UPF1: variants seen among roughly 807,000 people sequenced by gnomAD.
The protein encoded by UPF1 is UPF1 RNA helicase and ATPase.
In UPF1, 9 loss-of-function variants were observed where a neutral mutation model predicts 129.2. The ratio of observed to expected loss-of-function variants is 0.07; its 90% CI spans 0.04 to 0.12. The LOEUF (loss-of-function observed/expected upper bound fraction) is 0.12. UPF1 is among the 10% of genes least tolerant of loss of function. The pLI is 1.00. For missense variants in UPF1, 788 were observed against 1,525.3 expected, an observed-to-expected ratio of 0.52 and a Z score of 8.05; for synonymous variants, 649 against 644.9, an observed-to-expected ratio of 1.01 and a Z score of -0.10.
chr19:18,856,193 G>GAGCTGCAGA lies in UPF1; in HGVS notation c.1726_1734dup (p.Lys576_Gln578dup). The GAGCTGCAGA allele has an allele frequency of 6.2e-7, 1 of 1,609,336 alleles. No individual in the cohort carries two copies. The highest frequency in any genetic ancestry group is 8.5e-7 in the Non-Finnish European group (1 of 1,176,280). On this transcript the variant is annotated inframe_insertion, in exon 13 of 24. Transcript: ENST00000262803. ...ACCTGCATGTGCTTCCAGCATGCCT[G>GAGCTGCAGA]AGCTGCAGAAGCTGCAGCAGCTGAA...
At chr19:18,855,264 C>A (rs760224627) in intron 11 of UPF1, 22 bp downstream of exon 11, 2 of 1,605,132 alleles carry the variant, frequency 1.2e-6, no homozygotes, top group East Asian at 2.2e-5. Context: ...ACGGCCCTTG[C>A]GGGCAAGACC....
chr19:18,856,945 C>T lies in UPF1; in HGVS notation c.1893C>T (p.Arg631=), dbSNP rs1568279745. The change falls in exon 14 of 24, where the codon CGC becomes CGT. Residue 631 remains arginine, a synonymous_variant. Transcript: ENST00000262803. ...GDPRLAKMQF[R]SILIDESTQA... ...CGAGGCTGGCCAAGATGCAGTTCCG[C>T]TCCATTTTAATCGACGAAAGCACCC... 2.5e-6 allele frequency: 4 copies of T among 1,612,612 alleles called. No individual in the cohort carries two copies. The highest frequency in any genetic ancestry group is 3.4e-6 in the Non-Finnish European group (4 of 1,180,022).
In UPF1 at chr19:18,851,408, A is replaced by G. The variant is rs879892262; in HGVS notation, c.810+540A>G. Among the ~76,000 whole-genome samples the G allele has an allele frequency of 1.3e-5, 2 of 152,224 alleles. No homozygotes were observed. The highest frequency in any genetic ancestry group is 2.4e-5 in the African/African-American group (1 of 41,454). The stretch of plus-strand genomic sequence containing the variant: ...GATTTTGTGATAAAGTAGTTCTAAT[A>G]ACTAGGCTAGAAGTTTTCATTTGCC... On this transcript the variant is annotated intron_variant, in intron 5 of 23. Coordinates refer to ENST00000262803, the MANE Select transcript of UPF1 (RefSeq NM_002911.4). The surrounding 1 kb of genome is among the most constrained non-coding windows in gnomAD (Gnocchi z 4.2).
intron 3 of UPF1, chr19:18,849,831 G>A (rs1037542855): frequency 1.9e-6 from 1 of 524,478 alleles, no homozygotes; most frequent in Non-Finnish European, 3.4e-6. Flanking sequence ...AAAAAAGGCA[G>A]GAACTATGTG....
In UPF1 at chr19:18,863,509, A is replaced by G. The variant is rs1026197971; in HGVS notation, c.2672A>G (p.Tyr891Cys). The change falls in exon 19 of 24, where the codon TAC becomes TGC. Residue 891 changes from tyrosine to cysteine, a missense_variant. Transcript: ENST00000262803. ...KQPLWNHLLNYYKEQKVLVEG... is the reference protein window; with the variant it reads ...KQPLWNHLLNCYKEQKVLVEG... Reference sequence around the variant, plus strand: ...CCGCTCTGGAACCACCTGCTGAACTACTATAAGGAGCAGAAGGTGCTGGTG... The same window carrying G: ...CCGCTCTGGAACCACCTGCTGAACTGCTATAAGGAGCAGAAGGTGCTGGTG... The G allele has an allele frequency of 1.4e-5, 22 of 1,613,746 alleles. No homozygotes were observed. Among genetic ancestry groups the G allele is most frequent in the Non-Finnish European group, 1.9e-5 (22 of 1,179,876 alleles).
chr19:18,853,119 T>C lies in UPF1; in HGVS notation c.1057+48T>C. ...TTGGTTAAGAGGTGATTTTAAGTTT[T>C]AAAATATTTGTGACCATAAGTAGCA... On this transcript the variant is annotated intron_variant, in intron 7 of 23. Transcript: ENST00000262803. The surrounding 1 kb of genome is among the most constrained non-coding windows in gnomAD (Gnocchi z 4.4). 1 of 1,611,106 alleles carries C rather than the reference T, an allele frequency of 6.2e-7. No homozygotes were observed. The highest frequency in any genetic ancestry group is 8.5e-7 in the Non-Finnish European group (1 of 1,177,870).
At chr19:18,866,236 A>C (rs1050996556) in intron 23 of UPF1, 70 bp downstream of exon 23, 119 of 1,479,642 alleles carry the variant, frequency 8.0e-5, no homozygotes, top group Admixed American at 1.3e-4. Context: ...GGCTCTCCCC[A>C]GGGAGCTGCA....
intron 18 of UPF1, 170 bp from the exon 19 acceptor site, chr19:18,863,268 G>T (rs1601129634): frequency 2.5e-6 from 2 of 803,796 alleles, no homozygotes; most frequent in Non-Finnish European, 3.9e-6. Flanking sequence ...TCAGTGGCTT[G>T]GCATTGGGCT....
At chr19:18,852,389 T>TG (rs1308050695) in intron 6 of UPF1, 93 bp downstream of exon 6, 2 of 1,546,264 alleles carry the variant, frequency 1.3e-6, no homozygotes, top group Non-Finnish European at 1.7e-6. Context: ...CTCCAGGCTG[T>TG]GGGAGCTGAT....
In UPF1 at chr19:18,851,073, TC is replaced by T; in HGVS notation, c.810+207del. The stretch of plus-strand genomic sequence containing the variant: ...AGGCAGCCTTACCTGACCGAGAAGA[TC>T]CTGGCCTTGGGGAAAGGAAAGCTCT... On this transcript the variant is annotated intron_variant, in intron 5 of 23. Coordinates refer to ENST00000262803, the MANE Select transcript of UPF1 (RefSeq NM_002911.4). The surrounding 1 kb of genome is among the most constrained non-coding windows in gnomAD (Gnocchi z 4.2). The T allele has an allele frequency of 1.9e-6, 1 of 519,298 alleles. No individual in the cohort carries two copies. The allele number at this position is 519,298 out of a possible 1,614,324, so 32.2% of individuals were successfully genotyped here. A position where few individuals can be genotyped will look rare whatever the true frequency, so the allele number is the denominator to read the frequency against.
rs1427143574 is a variant in UPF1, at chr19:18,849,894, G to C, written c.462-181G>C. 7.5e-6 allele frequency: 5 copies of C among 663,734 alleles called. No homozygotes were observed. In the East Asian group the frequency reaches 1.1e-4, roughly 15 times the overall value. 41.1% of individuals were successfully genotyped at this position (663,734 alleles called of 1,614,324 possible). On this transcript the variant is annotated intron_variant, in intron 3 of 23. Transcript: ENST00000262803. ...GTGGTTCAAGTTGGGATTGATTTTT[G>C]TGCTCAGTGGGGAGCTAGTTTGGGG...
At position 18,832,841 on chromosome 19, in the gene UPF1, C is replaced by G. The variant is rs770210529; in HGVS notation, c.231+401C>G. ...GCCTTGTGTCCCACAATCAGTCTGGCCTGGAGTAACCTGCCCCCTGACTTA... is the reference window on the plus strand; with the variant it reads ...GCCTTGTGTCCCACAATCAGTCTGGGCTGGAGTAACCTGCCCCCTGACTTA... On this transcript the variant is annotated intron_variant, in intron 1 of 23. Coordinates refer to ENST00000262803, the MANE Select transcript of UPF1 (RefSeq NM_002911.4). The surrounding 1 kb of genome is among the most constrained non-coding windows in gnomAD (Gnocchi z 5.6). Among the ~76,000 whole-genome samples the G allele has an allele frequency of 2.0e-5, 3 of 152,184 alleles. No homozygotes were observed. Among genetic ancestry groups the G allele is most frequent in the Non-Finnish European group, 2.9e-5 (2 of 68,016 alleles).
In UPF1 at chr19:18,832,483, G is replaced by T. The variant is rs2055438411; in HGVS notation, c.231+43G>T. 3 of 996,826 alleles carry T rather than the reference G, an allele frequency of 3.0e-6. No individual in the cohort carries two copies. The African/African-American group carries it at 5.2e-5, about 17-fold the overall frequency. 61.7% of individuals were successfully genotyped at this position (996,826 alleles called of 1,614,324 possible). A position where few individuals can be genotyped will look rare whatever the true frequency, so the allele number is the denominator to read the frequency against. On this transcript the variant is annotated intron_variant, in intron 1 of 23. Transcript: ENST00000262803. The surrounding 1 kb of genome is among the most constrained non-coding windows in gnomAD (Gnocchi z 5.6). ...GTGCCGGAAGCCCGGGCCCGGCCTC[G>T]GCGCCTGAGACCTGCCCCGAACTCG...
At chr19:18,860,184 A>G in intron 15 of UPF1, 137 bp from the exon 16 acceptor site, 1 of 902,118 alleles carries the variant, frequency 1.1e-6, no homozygotes, top group Non-Finnish European at 1.7e-6. Context: ...AGGTGACCTC[A>G]CCAGGGCCTC....
In UPF1 at chr19:18,851,399, A is replaced by G. The variant is rs771719748; in HGVS notation, c.810+531A>G. ...GCTGTTTAGGATTTTGTGATAAAGT[A>G]GTTCTAATAACTAGGCTAGAAGTTT... On this transcript the variant is annotated intron_variant, in intron 5 of 23. Coordinates refer to ENST00000262803, the MANE Select transcript of UPF1 (RefSeq NM_002911.4). This position sits in a 1 kb window ranked among gnomAD's most constrained non-coding sequence, Gnocchi z 4.2. 1.3e-5 allele frequency among the ~76,000 whole-genome samples: 2 copies of G among 152,236 alleles called. No individual in the cohort carries two copies. The highest frequency in any genetic ancestry group is 2.4e-5 in the African/African-American group (1 of 41,450).
chr19:18,855,085 G>T (rs373561111), intron 10 of UPF1, 39 bp from the exon 11 acceptor site: 6 of 1,613,252 alleles, frequency 3.7e-6, no homozygotes, highest in Non-Finnish European at 4.2e-6. Context: ...GGGCCGGGAC[G>T]CAAGCGGAGG....
chr19:18,842,018 G>C (rs2055547326), intron 1 of UPF1, among the ~76,000 whole-genome samples: 1 of 152,140 alleles, frequency 6.6e-6, no homozygotes. Context: ...TCTCTTTTAA[G>C]TTCAGGAGTT....
At chr19:18,855,387 A>G (rs1447605932) in intron 11 of UPF1, 145 bp downstream of exon 11, 10 of 830,078 alleles carry the variant, frequency 1.2e-5, no homozygotes, top group Admixed American at 2.8e-5. Context: ...ACCGCTCTCT[A>G]TGTGACATTA....
chr19:18,861,602 G>A lies in UPF1; in HGVS notation c.2458-408G>A, dbSNP rs1391585265. ...AGTCCCAGCACTTTGGGAGGCTGAG[G>A]CAGGGAAGTCGCTTGAGGCTAGGAG... On this transcript the variant is annotated intron_variant, in intron 17 of 23. Transcript: ENST00000262803. 3.3e-5 allele frequency among the ~76,000 whole-genome samples: 5 copies of A among 152,216 alleles called. No homozygotes were observed. The East Asian group carries it at 5.8e-4, about 18-fold the overall frequency.
Sources: gnomAD v4.1 joint callset for allele counts (sites outside exome capture counted in the v4.1 genomes callset) on GRCh38, gnomAD v4.1.1 for gene constraint, Gnocchi (gnomAD v3.1) non-coding constraint, MANE v1.5 for transcripts, NCBI Gene and HGNC (gene_info 2026-07-23, HGNC 2026-07-21) for gene names.